Variants in SLC36A1 observed in about 807,000 individuals in gnomAD.
SLC36A1 encodes solute carrier family 36 member 1.
Under a neutral mutation model 47.5 loss-of-function variants are expected in SLC36A1, and 30 were observed. That is an observed-to-expected ratio of 0.63 (90% CI 0.47 to 0.86). SLC36A1 has a LOEUF of 0.86. Ranked by LOEUF, SLC36A1 falls within the 40% of genes least tolerant of loss-of-function variation. SLC36A1 has a pLI of 0.00. For synonymous variants in SLC36A1, 255 were observed against 249.7 expected (o/e 1.02, Z -0.20); for missense variants, 517 against 606.0 (o/e 0.85, Z 1.54).
chr5:151,403,084 C>G, the SLC36A1 span, among the ~76,000 whole-genome samples: 1 of 151,856 alleles, frequency 6.6e-6, no homozygotes, highest in Non-Finnish European at 1.5e-5. Flanking sequence ...TCTAGTTCCT[C>G]TAGGTGCAAT....
upstream of SLC36A1, among the ~76,000 whole-genome samples, chr5:151,433,911 G>A (rs72798304): frequency 0.15 from 21,778 of 146,876 alleles, 2,064 homozygotes; most frequent in East Asian, 0.38. Context: ...GAAAAAAAGT[G>A]ACTGTCCTGA....
At chr5:151,366,853 C>T in the SLC36A1 span, among the ~76,000 whole-genome samples, 5 of 152,312 alleles carry the variant, frequency 3.3e-5, no homozygotes, top group African/African-American at 1.2e-4. Flanking sequence ...TACAGCTGGG[C>T]TGCCAGGGGT....
At chr5:151,385,705 A>T in the SLC36A1 span, among the ~76,000 whole-genome samples, 12 of 151,914 alleles carry the variant, frequency 7.9e-5, no homozygotes, top group South Asian at 2.1e-4. Context: ...ACACCCCAAT[A>T]AAAAAAACAA....
At chr5:151,464,415 A>T in intron 3 of SLC36A1, 99 bp from the exon 4 acceptor site, 1 of 1,035,268 alleles carries the variant, frequency 9.7e-7, no homozygotes, top group Non-Finnish European at 1.5e-6. Context: ...AAACTGCCTT[A>T]GTAGCTTTTT....
the SLC36A1 span, chr5:151,380,479 C>T: frequency 2.2e-6 from 1 of 456,928 alleles, no homozygotes; most frequent in Non-Finnish European, 4.5e-6. Flanking sequence ...GAAACATGTG[C>T]CTATCCAAGA....
the SLC36A1 span, among the ~76,000 whole-genome samples, chr5:151,416,694 C>A: frequency 1.3e-5 from 2 of 152,186 alleles, no homozygotes; most frequent in Non-Finnish European, 2.9e-5. Flanking sequence ...TAGGTGACTA[C>A]AAACTTTAGC....
the SLC36A1 span, among the ~76,000 whole-genome samples, chr5:151,351,465 T>C: frequency 6.6e-6 from 1 of 151,944 alleles, no homozygotes; most frequent in Non-Finnish European, 1.5e-5. Context: ...TCTGACACAT[T>C]TTTAGGTTTC....
the SLC36A1 span, among the ~76,000 whole-genome samples, chr5:151,356,579 C>T: frequency 2.0e-5 from 3 of 152,090 alleles, no homozygotes; most frequent in East Asian, 1.9e-4. Context: ...GCCCTTCAGG[C>T]ACTGGCTCTC....
chr5:151,394,785 A>C, the SLC36A1 span, among the ~76,000 whole-genome samples: 1 of 152,172 alleles, frequency 6.6e-6, no homozygotes, highest in East Asian at 1.9e-4. Flanking sequence ...AGGGGTACCC[A>C]GGCGTGTGAA....
chr5:151,360,571 C>G, the SLC36A1 span, among the ~76,000 whole-genome samples: 1 of 152,150 alleles, frequency 6.6e-6, no homozygotes, highest in African/African-American at 2.4e-5. Flanking sequence ...GGCAGGCACA[C>G]TCAGTGTAAC....
the SLC36A1 span, among the ~76,000 whole-genome samples, chr5:151,411,963 G>A: frequency 2.8e-5 from 4 of 144,814 alleles, 1 homozygote; most frequent in Non-Finnish European, 4.6e-5. Context: ...TTCTTAAGAC[G>A]TAACTAAAAC....
the SLC36A1 span, chr5:151,549,504 A>G: frequency 6.2e-7 from 1 of 1,613,990 alleles, no homozygotes; most frequent in African/African-American, 1.3e-5. Flanking sequence ...CTGGTCTCGG[A>G]CCTATGGGCC....
chr5:151,384,031 C>A, the SLC36A1 span, among the ~76,000 whole-genome samples: 1 of 148,830 alleles, frequency 6.7e-6, no homozygotes, highest in Admixed American at 6.8e-5. Flanking sequence ...TGTTTTGTGA[C>A]AAAAAAAAAA....
the SLC36A1 span, among the ~76,000 whole-genome samples, chr5:151,349,433 C>G: frequency 6.6e-6 from 1 of 152,038 alleles, no homozygotes; most frequent in African/African-American, 2.4e-5. Flanking sequence ...CACGAGTGGC[C>G]CAGGCATCCG....
chr5:151,436,555 T>G (rs1040968082), upstream of SLC36A1, among the ~76,000 whole-genome samples: 1 of 151,848 alleles, frequency 6.6e-6, no homozygotes, highest in Non-Finnish European at 1.5e-5. Context: ...ATGTGAGTGG[T>G]CACAGGAGAA....
intron 1 of SLC36A1, among the ~76,000 whole-genome samples, chr5:151,448,739 C>T (rs1753185823): frequency 6.6e-6 from 1 of 152,164 alleles, no homozygotes; most frequent in African/African-American, 2.4e-5. Flanking sequence ...CATCATGGTG[C>T]AATGGACAGA....
At chr5:151,429,084 A>G in the SLC36A1 span, among the ~76,000 whole-genome samples, 1 of 152,238 alleles carries the variant, frequency 6.6e-6, no homozygotes, top group Non-Finnish European at 1.5e-5. Context: ...AATCCCAGGT[A>G]TAAGTGCTAG....
At chr5:151,548,405 G>T in the SLC36A1 span, among the ~76,000 whole-genome samples, 1 of 151,904 alleles carries the variant, frequency 6.6e-6, no homozygotes, top group Middle Eastern at 3.2e-3. Context: ...TATAGTAATT[G>T]CTTATAATTA....
Position 151,437,434 on chromosome 5 carries a change from A to G in SLC36A1, c.-6+255A>G, listed in dbSNP as rs570481126. On this transcript the variant is annotated intron_variant, in intron 1 of 8. Transcript: ENST00000429484. ...TACTCTATCTAAAGCTGCTCTTTTT[A>G]GGACTATCTTTCTGTTTTTTAATCA... 1.2e-4 allele frequency among the ~76,000 whole-genome samples: 19 copies of G among 152,340 alleles called. No individual in the cohort carries two copies. The South Asian group carries it at 3.7e-3, about 30-fold the overall frequency.
Sources: allele counts gnomAD v4.1 joint callset (sites outside exome capture counted in the v4.1 genomes callset), GRCh38; gene constraint gnomAD v4.1.1; transcripts MANE v1.5; gene names NCBI Gene and HGNC (gene_info 2026-07-23, HGNC 2026-07-21).